STRBP: variants seen among roughly 807,000 people sequenced by gnomAD.
The protein encoded by STRBP is spermatid perinuclear RNA binding protein.
A neutral mutation model predicts 80.1 loss-of-function variants in STRBP; 13 were observed. The ratio of observed to expected loss-of-function variants is 0.16; its 90% confidence interval spans 0.11 to 0.26. The LOEUF (loss-of-function observed/expected upper bound fraction) is 0.26. STRBP is among the 10% of genes least tolerant of loss of function. STRBP has a pLI of 1.00. For missense variants in STRBP, 485 were observed against 815.2 expected, an observed-to-expected ratio of 0.59 and a Z score of 4.93; for synonymous variants, 284 against 291.2, an observed-to-expected ratio of 0.98 and a Z score of 0.25.
chr9:123,254,822 T>C (rs143222101), intron 1 of STRBP, among the ~76,000 whole-genome samples: 1 of 152,254 alleles, frequency 6.6e-6, no homozygotes, highest in African/African-American at 2.4e-5. Flanking sequence ...GGCTCTATAA[T>C]GACAGTGCCA....
At chr9:123,192,785 G>C (rs1163952427) in intron 2 of STRBP, among the ~76,000 whole-genome samples, 7 of 152,032 alleles carry the variant, frequency 4.6e-5, no homozygotes, top group Non-Finnish European at 8.8e-5. Flanking sequence ...TCCCATTTCA[G>C]CCCATCATTG....
At chr9:123,249,974 C>T (rs1004403980) in intron 1 of STRBP, among the ~76,000 whole-genome samples, 19 of 152,092 alleles carry the variant, frequency 1.2e-4, no homozygotes, top group African/African-American at 4.6e-4. Context: ...TTTCCAATGG[C>T]CAATGCATAA....
downstream of STRBP, among the ~76,000 whole-genome samples, chr9:123,118,060 G>A (rs77537823): frequency 9.7e-3 from 1,475 of 152,256 alleles, 20 homozygotes; most frequent in East Asian, 0.03. Context: ...CCATCCTGTC[G>A]GCCGCAGCCT....
rs2035810181 is a variant in STRBP, at chr9:123,124,031, GAAGA to G, written c.*1562_*1565del. ...ACTAATAAAGACAAAAGACCAAGGAGAAGAAACAAACTAATCATTGTGTAATATA... is the reference window on the plus strand; with the variant it reads ...ACTAATAAAGACAAAAGACCAAGGAGAACAAACTAATCATTGTGTAATATA... On this transcript the variant is annotated 3_prime_UTR_variant, in exon 19 of 19. Transcript: ENST00000348403. The G allele has an allele frequency of 1.0e-6, 1 of 985,276 alleles. No individual in the cohort carries two copies. The highest frequency in any genetic ancestry group is 6.2e-5 in the Admixed American group (1 of 16,256). The allele number at this position is 985,276 out of a possible 1,614,324, so 61.0% of individuals were successfully genotyped here.
intron 12 of STRBP, 78 bp downstream of exon 12, chr9:123,147,696 AAAAC>A: frequency 8.6e-7 from 1 of 1,158,512 alleles, no homozygotes; most frequent in African/African-American, 1.6e-5. Flanking sequence ...AAAAAAAAAA[AAAAC>A]CCTTCACTTT....
At chr9:123,264,165 G>A (rs929656912) in intron 1 of STRBP, among the ~76,000 whole-genome samples, 2 of 152,154 alleles carry the variant, frequency 1.3e-5, no homozygotes, top group Non-Finnish European at 2.9e-5. Flanking sequence ...GCGACAGAGC[G>A]CCACTGCATT....
chr9:123,266,667 G>A (rs988045386), intron 1 of STRBP, among the ~76,000 whole-genome samples: 2 of 151,726 alleles, frequency 1.3e-5, no homozygotes, highest in African/African-American at 4.9e-5. Context: ...TCCAACTTAA[G>A]CAGTCATTTC....
At chr9:123,217,704 T>A (rs553237288) in intron 2 of STRBP, among the ~76,000 whole-genome samples, 6 of 152,384 alleles carry the variant, frequency 3.9e-5, no homozygotes, top group Middle Eastern at 3.4e-3. Context: ...AGGCATTTGA[T>A]ATAATGCTGA....
intron 6 of STRBP, among the ~76,000 whole-genome samples, chr9:123,168,531 A>G (rs1354024775): frequency 6.6e-6 from 1 of 152,222 alleles, no homozygotes; most frequent in East Asian, 1.9e-4. Context: ...TTAAAACTCC[A>G]ACTTTACTGG....
chr9:123,204,683 C>T (rs1462139501), intron 2 of STRBP, among the ~76,000 whole-genome samples: 1 of 151,360 alleles, frequency 6.6e-6, no homozygotes, highest in Non-Finnish European at 1.5e-5. Flanking sequence ...TTTGGGAGGC[C>T]GAAGTGGGTG....
chr9:123,198,070 T>C (rs2039171016), intron 2 of STRBP, among the ~76,000 whole-genome samples: 1 of 152,168 alleles, frequency 6.6e-6, no homozygotes, highest in Non-Finnish European at 1.5e-5. Context: ...GTTGAGCATT[T>C]TTTTCATATG....
At chr9:123,152,762 C>T (rs1365741988) in intron 11 of STRBP, among the ~76,000 whole-genome samples, 1 of 151,520 alleles carries the variant, frequency 6.6e-6, no homozygotes, top group Non-Finnish European at 1.5e-5. Flanking sequence ...TATAAAGGGG[C>T]AGCATGAAGC....
At chr9:123,254,994 T>G (rs2040999147) in intron 1 of STRBP, among the ~76,000 whole-genome samples, 1 of 152,224 alleles carries the variant, frequency 6.6e-6, no homozygotes. Context: ...AAAAATGCAT[T>G]AAATATATAA....
intron 2 of STRBP, among the ~76,000 whole-genome samples, chr9:123,234,686 G>A (rs189106402): frequency 5.9e-4 from 90 of 152,222 alleles, no homozygotes; most frequent in Middle Eastern, 3.4e-3. Context: ...CAGGCCGAGC[G>A]AGGTGGCTGA....
chr9:123,202,927 C>A (rs1412309349), intron 2 of STRBP, among the ~76,000 whole-genome samples: 1 of 152,070 alleles, frequency 6.6e-6, no homozygotes, highest in Admixed American at 6.6e-5. Flanking sequence ...CCATAACCAA[C>A]CTGGTCAGAG....
At chr9:123,186,448 A>G (rs1265577793) in intron 2 of STRBP, among the ~76,000 whole-genome samples, 2 of 152,186 alleles carry the variant, frequency 1.3e-5, no homozygotes, top group Non-Finnish European at 2.9e-5. Context: ...TGAAAAGTAC[A>G]GCACTCCACA....
chr9:123,180,384 G>A (rs1236052685), intron 3 of STRBP, among the ~76,000 whole-genome samples: 1 of 152,074 alleles, frequency 6.6e-6, no homozygotes, highest in Non-Finnish European at 1.5e-5. Context: ...CAAACCTTTG[G>A]TGCAAGGCCT....
At chr9:123,116,577 G>C (rs1420648209) in intron 2 of STRBP, among the ~76,000 whole-genome samples, 1 of 152,212 alleles carries the variant, frequency 6.6e-6, no homozygotes, top group African/African-American at 2.4e-5. Flanking sequence ...GATTTTAGGA[G>C]GCTAAGGAAG....
intron 2 of STRBP, among the ~76,000 whole-genome samples, chr9:123,234,942 T>TA (rs1050180816): frequency 4.1e-4 from 52 of 127,094 alleles, no homozygotes; most frequent in African/African-American, 1.2e-3. Context: ...TCTCAAAAAA[T>TA]AAAAAAAAAG....
Sources: allele counts gnomAD v4.1 joint callset (sites outside exome capture counted in the v4.1 genomes callset), GRCh38; gene constraint gnomAD v4.1.1; transcripts MANE v1.5; gene names NCBI Gene and HGNC (gene_info 2026-07-23, HGNC 2026-07-21).